Variants in TUB observed in about 807,000 individuals in gnomAD.
The protein encoded by TUB is tubby protein homolog.
A neutral mutation model predicts 59.7 loss-of-function variants in TUB; 33 were observed. The observed-to-expected ratio is 0.55, with a 90% CI of 0.42 to 0.74. The LOEUF (loss-of-function observed/expected upper bound fraction) is 0.74. TUB is among the 30% of genes least tolerant of loss of function. The pLI, the probability that TUB is intolerant of heterozygous loss-of-function variation, is 0.00. For missense variants in TUB, 659 were observed against 672.0 expected (o/e 0.98, Z 0.21); for synonymous variants, 293 against 256.4 (o/e 1.14, Z -1.36).
At position 8,101,013 on chromosome 11, in the gene TUB, C is replaced by G. The variant is rs776358726; in HGVS notation, c.1387+16C>G. On this transcript the variant is annotated intron_variant, in intron 11 of 11. Transcript: ENST00000299506. The stretch of plus-strand genomic sequence containing the variant: ...GGCAATGACCGTGAGTGTTTCTGTC[C>G]CTACTCATTATGGTCCGTAGGATAC... The G allele has an allele frequency of 2.5e-6, 4 of 1,613,796 alleles. No individual in the cohort carries two copies. In the Admixed American group the frequency reaches 5.0e-5, roughly 20 times the overall value.
chr11:8,096,739 G>A lies in TUB; in HGVS notation c.620G>A (p.Ser207Asn), dbSNP rs751811766. 1 of 1,614,098 alleles carries A rather than the reference G, an allele frequency of 6.2e-7. No homozygotes were observed. Among genetic ancestry groups the A allele is most frequent in the Admixed American group, 1.7e-5 (1 of 60,018 alleles). Residue 207 changes from serine to asparagine, a missense_variant, in exon 6 of 12, where the codon AGC becomes AAC. Transcript: ENST00000299506. ...DEDEEDEEEN[S>N]SSSSQLNSNT... Reference sequence around the variant, plus strand: ...GATGAGGAGGATGAGGAGGAGAATAGCTCCAGCTCCTCCCAGCTAAATAGT... The same window carrying A: ...GATGAGGAGGATGAGGAGGAGAATAACTCCAGCTCCTCCCAGCTAAATAGT...
At chr11:8,045,104 G>A (rs1942811172) in intron 2 of TUB, among the ~76,000 whole-genome samples, 1 of 152,022 alleles carries the variant, frequency 6.6e-6, no homozygotes, top group Admixed American at 6.6e-5. Flanking sequence ...TTCCCCAGTG[G>A]CTTAGGGGTG....
At chr11:8,023,004 G>T (rs1942452202) in intron 1 of TUB, among the ~76,000 whole-genome samples, 1 of 152,234 alleles carries the variant, frequency 6.6e-6, no homozygotes, top group Non-Finnish European at 1.5e-5. Flanking sequence ...TTTGGGCTGG[G>T]CTTAGCTGGG....
At chr11:8,022,535 G>T (rs1338736779) in intron 1 of TUB, among the ~76,000 whole-genome samples, 1 of 152,194 alleles carries the variant, frequency 6.6e-6, no homozygotes, top group Non-Finnish European at 1.5e-5. Context: ...TCTGGGCCAT[G>T]TGCATGTCAG....
Position 8,093,944 on chromosome 11 carries a change from G to T in TUB, c.254-102G>T, listed in dbSNP as rs1051808114. On this transcript the variant is annotated intron_variant, in intron 3 of 11. Coordinates refer to ENST00000299506, the MANE Select transcript of TUB (RefSeq NM_177972.3). ...TACAGGGGCCCTGGTGGGACTCGGG[G>T]TGCAGTCAAAAATGCTGTGCTGGGG... The T allele has an allele frequency of 1.7e-4, 245 of 1,404,208 alleles. 1 individual carries two copies. Among genetic ancestry groups the T allele is most frequent in the Non-Finnish European group, 2.4e-4 (235 of 999,680 alleles). 87.0% of individuals were successfully genotyped at this position (1,404,208 alleles called of 1,614,324 possible).
At chr11:8,091,998 C>T (rs1052551799) in intron 3 of TUB, among the ~76,000 whole-genome samples, 1 of 152,238 alleles carries the variant, frequency 6.6e-6, no homozygotes, top group African/African-American at 2.4e-5. Context: ...GTGGGCCCTG[C>T]CAATTTGTGC....
At chr11:8,030,014 G>A (rs973803374) in intron 1 of TUB, among the ~76,000 whole-genome samples, 7 of 152,300 alleles carry the variant, frequency 4.6e-5, no homozygotes, top group Non-Finnish European at 1.0e-4. Context: ...ATGAGGAATG[G>A]CGTTAGAGGG....
rs551358219 is a variant in TUB at position 8,027,242 on chromosome 11, A to T, written c.56+7884A>T. 8.5e-5 allele frequency among the ~76,000 whole-genome samples: 13 copies of T among 152,210 alleles called. 1 individual carries two copies. The South Asian group carries it at 2.7e-3, about 32-fold the overall frequency. ...GAGCCTTTTTATTATCCTAAACTGA[A>T]ACTCTCTACCCATTAAGAAATAATT... On this transcript the variant is annotated intron_variant, in intron 1 of 11. Transcript: ENST00000534099.
Position 8,100,813 on chromosome 11 carries a change from G to A in TUB, c.1216-13G>A. The A allele has an allele frequency of 6.2e-7, 1 of 1,613,210 alleles. No individual in the cohort carries two copies. Among genetic ancestry groups the A allele is most frequent in the South Asian group, 1.1e-5 (1 of 90,992 alleles). On this transcript the variant is annotated splice_polypyrimidine_tract_variant and intron_variant, in intron 10 of 11. Transcript: ENST00000299506. Reference sequence around the variant, plus strand: ...AAGGCCTGGGCCTGGCTCAGGTGAGGCTGCCCTCCCAGGAGCATGAGACAC... The same window carrying A: ...AAGGCCTGGGCCTGGCTCAGGTGAGACTGCCCTCCCAGGAGCATGAGACAC...
intron 3 of TUB, among the ~76,000 whole-genome samples, chr11:8,092,018 ACATCG>A (rs1943792055): frequency 6.6e-6 from 1 of 152,278 alleles, no homozygotes; most frequent in Non-Finnish European, 1.5e-5. Context: ...CCAGAGGCCA[ACATCG>A]TGAGAGGTCA....
At chr11:8,060,869 T>C (rs1943110982) in intron 2 of TUB, among the ~76,000 whole-genome samples, 1 of 152,210 alleles carries the variant, frequency 6.6e-6, no homozygotes, top group Non-Finnish European at 1.5e-5. Context: ...CCAAGCATCA[T>C]CATTACAGAC....
intron 1 of TUB, among the ~76,000 whole-genome samples, chr11:8,025,277 A>G (rs1182138482): frequency 2.0e-5 from 3 of 152,160 alleles, no homozygotes; most frequent in Non-Finnish European, 4.4e-5. Flanking sequence ...GCTGTGTCAT[A>G]TAGTGTGGTC....
In TUB at chr11:8,100,580, A is replaced by T. The variant is rs1944234037; in HGVS notation, c.1194A>T (p.Arg398Ser). Residue 398 changes from arginine to serine, a missense_variant, in exon 10 of 12, where the codon AGA becomes AGT. Arg to Ser is a moderately radical substitution (Grantham distance 110, BLOSUM62 -1). This residue lies in a region of TUB where 226 missense variants were observed against 210.8 expected (regional missense o/e 1.07). Transcript: ENST00000299506. ...CAGGCATGAACATGGTTCATGAGAG[A>T]GTCTCTATCCGCCCCCGCAACGTGA... ...IVPGMNMVHE[R>S]VSIRPRNEHE... The T allele has an allele frequency of 4.3e-6, 7 of 1,613,972 alleles. No individual in the cohort carries two copies. In the Admixed American group the frequency reaches 8.3e-5, roughly 19 times the overall value.
At chr11:8,094,325 C>T (rs1943889333) in intron 4 of TUB, 136 bp downstream of exon 4, 17 of 1,203,612 alleles carry the variant, frequency 1.4e-5, no homozygotes, top group South Asian at 9.6e-5. Context: ...CCACTCTGGG[C>T]ACCCCCTCAG....
intron 1 of TUB, among the ~76,000 whole-genome samples, chr11:8,031,024 G>A (rs1205166408): frequency 6.6e-6 from 1 of 152,210 alleles, no homozygotes. Flanking sequence ...GACAACAGAG[G>A]CAATGACGGG....
Position 8,039,084 on chromosome 11 carries a change from A to G in TUB, c.155+56A>G, listed in dbSNP as rs1589926056. The G allele has an allele frequency of 5.1e-6, 8 of 1,581,778 alleles. No homozygotes were observed. In the South Asian group the frequency reaches 9.2e-5, roughly 18 times the overall value. ...TGGGCCCAACCATTGCGTCAGCTCC[A>G]CCCACCCACCCTCACTGACCTCAAC... On this transcript the variant is annotated intron_variant, in intron 1 of 12. Coordinates refer to the TUB transcript ENST00000305253.
chr11:8,051,988 A>G (rs1277142769), intron 2 of TUB, among the ~76,000 whole-genome samples: 1 of 152,212 alleles, frequency 6.6e-6, no homozygotes, highest in Non-Finnish European at 1.5e-5. Flanking sequence ...AATTTCCTCT[A>G]TATACATGGT....
chr11:8,093,436 A>G (rs1477242751), intron 3 of TUB, among the ~76,000 whole-genome samples: 1 of 152,144 alleles, frequency 6.6e-6, no homozygotes, highest in Non-Finnish European at 1.5e-5. Context: ...GAGCAATCAG[A>G]AACCATTCAA....
intron 2 of TUB, among the ~76,000 whole-genome samples, chr11:8,060,750 T>C (rs117762133): frequency 1.3e-5 from 2 of 152,220 alleles, no homozygotes; most frequent in African/African-American, 4.8e-5. Flanking sequence ...TTCCAACTGA[T>C]AACTACTGGG....
Sources: gnomAD v4.1 joint callset for allele counts (sites outside exome capture counted in the v4.1 genomes callset) on GRCh38, gnomAD v4.1.1 for gene constraint, gnomAD v4.1.1 regional missense constraint, MANE v1.5 for transcripts, NCBI Gene and HGNC (gene_info 2026-07-23, HGNC 2026-07-21) for gene names.